The following PCBD2 variants were observed in gnomAD, a reference collection of about 807,000 sequenced individuals.
PCBD2 encodes pterin-4 alpha-carbinolamine dehydratase 2.
A neutral mutation model predicts 16.4 loss-of-function variants in PCBD2; 12 were observed. The ratio of observed to expected loss-of-function variants is 0.73; its 90% CI spans 0.47 to 1.19. The LOEUF is 1.19. PCBD2 is among the 50% of genes most tolerant of loss of function. The probability of loss-of-function intolerance (pLI) is 0.00; values close to 1 mark genes in which losing one functional copy is unlikely to be tolerated. For synonymous variants in PCBD2, 58 were observed against 61.8 expected (o/e 0.94, Z 0.29); for missense variants, 138 against 156.8 (o/e 0.88, Z 0.64).
intron 2 of PCBD2, chr5:134,927,257 G>C (rs1261745054): frequency 5.0e-6 from 2 of 398,364 alleles, no homozygotes; most frequent in African/African-American, 4.1e-5. Context: ...GTACAAGGAA[G>C]GGGTAGGCTA....
At chr5:134,949,026 A>C (rs529272063) in intron 2 of PCBD2, among the ~76,000 whole-genome samples, 4 of 152,176 alleles carry the variant, frequency 2.6e-5, no homozygotes, top group African/African-American at 9.6e-5. Flanking sequence ...AGTAGATGGC[A>C]AGTAGACTAG....
chr5:134,926,908 C>T, intron 2 of PCBD2: 3 of 398,118 alleles, frequency 7.5e-6, no homozygotes, highest in Non-Finnish European at 1.3e-5. Flanking sequence ...GAGAGTTCTC[C>T]TAGTAGGTTA....
chr5:134,925,979 G>T, intron 2 of PCBD2: 1 of 387,782 alleles, frequency 2.6e-6, no homozygotes, highest in South Asian at 1.3e-4. Context: ...GCATCTGCTC[G>T]GGCGTATCAT....
intron 2 of PCBD2, chr5:134,928,639 C>A (rs190557102): frequency 4.0e-5 from 7 of 174,960 alleles, no homozygotes; most frequent in East Asian, 1.5e-4. Flanking sequence ...TTGAGACCAT[C>A]CTGGCTAACG....
chr5:134,924,928 AGT>A (rs1268579114), intron 2 of PCBD2: 1 of 390,728 alleles, frequency 2.6e-6, no homozygotes, highest in Non-Finnish European at 4.5e-6. Context: ...TTTTATTTTG[AGT>A]TTGTTGGTTA....
chr5:134,947,931 A>G (rs563458404), intron 2 of PCBD2, among the ~76,000 whole-genome samples: 1 of 152,110 alleles, frequency 6.6e-6, no homozygotes, highest in South Asian at 2.1e-4. Flanking sequence ...CTGAAAGCCA[A>G]CAAATAAGGA....
chr5:134,958,927 G>A, intron 2 of PCBD2, 113 bp from the exon 3 acceptor site: 2 of 743,228 alleles, frequency 2.7e-6, no homozygotes, highest in South Asian at 1.8e-5. Flanking sequence ...GATTTCCACA[G>A]GCTTCCCTAA....
intron 2 of PCBD2, among the ~76,000 whole-genome samples, chr5:134,938,670 CTG>C (rs1489504481): frequency 1.3e-5 from 2 of 152,016 alleles, no homozygotes; most frequent in Non-Finnish European, 2.9e-5. Flanking sequence ...AGTTAGGAGG[CTG>C]TGAAGTTAGG....
chr5:134,909,553 T>C (rs1466761797), intron 1 of PCBD2, among the ~76,000 whole-genome samples: 2 of 152,234 alleles, frequency 1.3e-5, no homozygotes, highest in East Asian at 1.9e-4. Context: ...CCCTTACTGC[T>C]GCCTCAAACG....
At position 134,910,361 on chromosome 5, in the gene PCBD2, A is replaced by G. The variant is rs992219275; in HGVS notation, c.111A>G (p.Ala37=). The change falls in exon 2 of 4, where the codon GCA becomes GCG. Residue 37 remains alanine, a synonymous_variant. Coordinates refer to ENST00000254908, the MANE Select transcript of PCBD2 (RefSeq NM_032151.5). The part of the protein sequence containing the change: ...AMSSGTHRLT[A]EERNQAILDL... The stretch of plus-strand genomic sequence containing the variant: ...CATCAGGTACTCACAGGTTGACTGC[A>G]GAGGAGAGGAACCAAGCTATACTTG... 1.2e-6 allele frequency: 2 copies of G among 1,614,098 alleles called. No homozygotes were observed. Among genetic ancestry groups the G allele is most frequent in the East Asian group, 2.2e-5 (1 of 44,884 alleles).
At chr5:134,921,537 C>T (rs2149532096) in intron 2 of PCBD2, among the ~76,000 whole-genome samples, 1 of 152,170 alleles carries the variant, frequency 6.6e-6, no homozygotes, top group Admixed American at 6.5e-5. Context: ...GTTCAGTGAG[C>T]TGGGCCACAG....
At chr5:134,955,544 G>A (rs1751405942) in intron 2 of PCBD2, among the ~76,000 whole-genome samples, 1 of 152,122 alleles carries the variant, frequency 6.6e-6, no homozygotes, top group Admixed American at 6.5e-5. Context: ...TTGACCTCAG[G>A]TGATCTGCCT....
chr5:134,932,987 C>G (rs978461027), intron 2 of PCBD2, among the ~76,000 whole-genome samples: 1 of 151,938 alleles, frequency 6.6e-6, no homozygotes, highest in South Asian at 2.1e-4. Context: ...GTGGCATGTT[C>G]AGCTGGTAAA....
intron 2 of PCBD2, among the ~76,000 whole-genome samples, chr5:134,922,947 A>G (rs374629487): frequency 4.2e-4 from 64 of 152,308 alleles, no homozygotes; most frequent in African/African-American, 1.3e-3. Flanking sequence ...AAGTGCTGGG[A>G]TTACAGGCGT....
In PCBD2 at chr5:134,917,416, G is replaced by A. The variant is rs74673373; in HGVS notation, c.216+6950G>A. ...CAGGAACAGGTAAGCGGCAGTGGCT[G>A]GGCGCTTGGGTGAATGATAAATTTT... On this transcript the variant is annotated intron_variant, in intron 2 of 3. Coordinates refer to ENST00000254908, the MANE Select transcript of PCBD2 (RefSeq NM_032151.5). Among the ~76,000 whole-genome samples the A allele has an allele frequency of 7.1e-3, 1,086 of 152,358 alleles. 9 individuals are homozygous for A. Among genetic ancestry groups the A allele is most frequent in the African/African-American group, 0.025 (1,041 of 41,572 alleles).
Position 134,960,874 on chromosome 5 carries a change from C to T in PCBD2, c.*193C>T. On this transcript the variant is annotated 3_prime_UTR_variant, in exon 4 of 4. Coordinates refer to ENST00000254908, the MANE Select transcript of PCBD2 (RefSeq NM_032151.5). ...CTCCGCCTCCCAGGTTCAGGTGATTCTCCTGCCTCAGCCTCCTGAGTAGCT... is the reference window on the plus strand; with the variant it reads ...CTCCGCCTCCCAGGTTCAGGTGATTTTCCTGCCTCAGCCTCCTGAGTAGCT... 1 of 474,822 alleles carries T rather than the reference C, an allele frequency of 2.1e-6. No homozygotes were observed. The highest frequency in any genetic ancestry group is 2.0e-5 in the African/African-American group (1 of 49,434). 29.4% of individuals were successfully genotyped at this position (474,822 alleles called of 1,614,324 possible).
intron 2 of PCBD2, among the ~76,000 whole-genome samples, chr5:134,929,305 C>T (rs1751062381): frequency 6.7e-6 from 1 of 148,712 alleles, no homozygotes; most frequent in Admixed American, 6.7e-5. Flanking sequence ...TATGATTGTG[C>T]TACTGCACTG....
chr5:134,906,288 C>T (rs1470225954), intron 1 of PCBD2, among the ~76,000 whole-genome samples: 1 of 145,090 alleles, frequency 6.9e-6, no homozygotes. Context: ...ATTGCAAGCT[C>T]CGCCTCCCGG....
intron 1 of PCBD2, among the ~76,000 whole-genome samples, chr5:134,908,034 C>T (rs1190397964): frequency 6.6e-6 from 1 of 151,758 alleles, no homozygotes; most frequent in African/African-American, 2.4e-5. Context: ...ATCCTCCCAC[C>T]TCAGCCTCCC....
Sources: gnomAD v4.1 joint callset for allele counts (sites outside exome capture counted in the v4.1 genomes callset) on GRCh38, gnomAD v4.1.1 for gene constraint, MANE v1.5 for transcripts, NCBI Gene and HGNC (gene_info 2026-07-23, HGNC 2026-07-21) for gene names.